Variants in CUX2 observed in about 807,000 individuals in gnomAD.
The protein encoded by CUX2 is homeobox protein cut-like 2.
In CUX2, 40 loss-of-function variants were observed where a neutral mutation model predicts 144.8. The ratio of observed to expected loss-of-function variants is 0.28; its 90% CI spans 0.21 to 0.36. The LOEUF (loss-of-function observed/expected upper bound fraction) is 0.36, where lower values mean the gene tolerates loss of function less well. CUX2 is among the 10% of genes least tolerant of loss of function. The probability of loss-of-function intolerance (pLI) is 1.00; values close to 1 mark genes in which losing one functional copy is unlikely to be tolerated. For synonymous variants in CUX2, 827 were observed against 875.6 expected, an observed-to-expected ratio of 0.94 and a Z score of 0.98; for missense variants, 1,615 against 1,994.0, an observed-to-expected ratio of 0.81 and a Z score of 3.62.
chr12:111,228,784 C>T (rs541474079), intron 3 of CUX2, among the ~76,000 whole-genome samples: 4 of 152,204 alleles, frequency 2.6e-5, no homozygotes, highest in East Asian at 1.9e-4. Flanking sequence ...TCAGCAGACC[C>T]GCACAGTTCA....
chr12:111,219,985 A>C (rs1881752683), intron 3 of CUX2, among the ~76,000 whole-genome samples: 1 of 152,110 alleles, frequency 6.6e-6, no homozygotes, highest in African/African-American at 2.4e-5. Context: ...CTCTATTAAA[A>C]ATACAAAAAT....
chr12:111,157,537 G>A (rs1430063398), intron 1 of CUX2, among the ~76,000 whole-genome samples: 2 of 152,138 alleles, frequency 1.3e-5, no homozygotes, highest in African/African-American at 4.8e-5. Context: ...GGAAGGAAGA[G>A]ATGCCAAAAG....
At position 111,222,810 on chromosome 12, in the gene CUX2, A is replaced by G. The variant is rs111642670; in HGVS notation, c.222+4873A>G. The stretch of plus-strand genomic sequence containing the variant: ...GACTGAGAACGTTCTCCCTCTAATC[A>G]CTCAGGGTCTGGGGGAATTCGTGTG... On this transcript the variant is annotated intron_variant, in intron 3 of 21. Coordinates refer to ENST00000261726, the MANE Select transcript of CUX2 (RefSeq NM_015267.4). Among the ~76,000 whole-genome samples, 1,064 of 151,980 alleles carry G rather than the reference A, an allele frequency of 7.0e-3. 23 individuals are homozygous for G. The highest frequency in any genetic ancestry group is 0.025 in the African/African-American group (1,021 of 41,428).
In CUX2 at chr12:111,293,029, G is replaced by A. The variant is rs1485301382; in HGVS notation, c.437-417G>A. Among the ~76,000 whole-genome samples the A allele has an allele frequency of 2.0e-5, 3 of 152,010 alleles. No individual in the cohort carries two copies. The highest frequency in any genetic ancestry group is 1.9e-4 in the East Asian group (1 of 5,152). ...TCCCAGGTACTCGGGAGGCTGAGGC[G>A]GGAGAATCGCTTGAACCCAGGAGGC... On this transcript the variant is annotated intron_variant, in intron 5 of 21. Coordinates refer to ENST00000261726, the MANE Select transcript of CUX2 (RefSeq NM_015267.4). This position sits in a 1 kb window ranked among gnomAD's most constrained non-coding sequence, Gnocchi z 4.5.
rs1397144680 is a variant in CUX2, at chr12:111,291,428, T to G, written c.312T>G (p.Pro104=). Residue 104 remains proline, a synonymous_variant, in exon 5 of 22, where the codon CCT becomes CCG. Transcript: ENST00000261726. The part of the protein sequence containing the change: ...KQLIEAPDPV[P]VFEAARSLDD... ...TCTCTCCCTGCACAGACCCCGTGCC[T>G]GTGTTTGAGGCGGCACGCAGCCTAG... 3.7e-6 allele frequency: 6 copies of G among 1,610,062 alleles called. No individual in the cohort carries two copies. The highest frequency in any genetic ancestry group is 5.1e-6 in the Non-Finnish European group (6 of 1,178,244).
At chr12:111,070,116 A>G (rs1208093060) in intron 1 of CUX2, among the ~76,000 whole-genome samples, 2 of 152,172 alleles carry the variant, frequency 1.3e-5, no homozygotes, top group Non-Finnish European at 2.9e-5. Context: ...TGGTCTTACA[A>G]GGAGTTTGTA....
rs1168250044 is a variant in CUX2 at position 111,077,222 on chromosome 12, G to A, written c.63+42982G>A. Reference sequence around the variant, plus strand: ...TGCTCCCAAACCCCGCAGCGCCCCCGAGGCCCAAGCTGGCCTCTGCCTGCC... The same window carrying A: ...TGCTCCCAAACCCCGCAGCGCCCCCAAGGCCCAAGCTGGCCTCTGCCTGCC... On this transcript the variant is annotated intron_variant, in intron 1 of 21. Transcript: ENST00000261726. The surrounding 1 kb of genome is among the most constrained non-coding windows in gnomAD (Gnocchi z 4.1). Among the ~76,000 whole-genome samples the A allele has an allele frequency of 1.3e-5, 2 of 152,168 alleles. No individual in the cohort carries two copies. The highest frequency in any genetic ancestry group is 2.4e-5 in the African/African-American group (1 of 41,442).
chr12:111,349,489 G>C lies in CUX2; in HGVS notation c.*1164G>C, dbSNP rs1038148196. On this transcript the variant is annotated 3_prime_UTR_variant, in exon 22 of 22. Transcript: ENST00000261726. ...CCCTTCTCGCCATCTTCTTTCTCAA[G>C]TTGACCGTGGTGCTGTTTCTGGAAG... 9 of 152,202 alleles carry C rather than the reference G, an allele frequency of 5.9e-5. No individual in the cohort carries two copies. Among genetic ancestry groups the C allele is most frequent in the Non-Finnish European group, 1.5e-5 (1 of 68,066 alleles). The allele number at this position is 152,202 out of a possible 1,614,324, so 9.4% of individuals were successfully genotyped here.
At chr12:111,211,233 G>A (rs945130042) in intron 1 of CUX2, among the ~76,000 whole-genome samples, 3 of 152,230 alleles carry the variant, frequency 2.0e-5, no homozygotes, top group African/African-American at 7.2e-5. Context: ...AGAAGAACGT[G>A]GATGTCAGTG....
chr12:111,094,727 G>A (rs1307737183), intron 1 of CUX2, among the ~76,000 whole-genome samples: 3 of 152,144 alleles, frequency 2.0e-5, no homozygotes, highest in African/African-American at 4.8e-5. Flanking sequence ...CCTACTTCTG[G>A]GTTCAAGTGA....
At chr12:111,115,325 G>A (rs192673334) in intron 1 of CUX2, among the ~76,000 whole-genome samples, 12 of 123,316 alleles carry the variant, frequency 9.7e-5, no homozygotes, top group Admixed American at 7.5e-4. Context: ...TTGCTCTGTC[G>A]CCCAGGCTAG....
chr12:111,104,539 GCTCTTCACC>G (rs1873469959), intron 1 of CUX2, among the ~76,000 whole-genome samples: 2 of 152,246 alleles, frequency 1.3e-5, no homozygotes, highest in Admixed American at 1.3e-4. Flanking sequence ...TCAAATTCCA[GCTCTTCACC>G]CTCTGGCTGT....
chr12:111,179,055 C>G (rs552787318), intron 1 of CUX2, among the ~76,000 whole-genome samples: 2 of 152,254 alleles, frequency 1.3e-5, no homozygotes, highest in East Asian at 1.9e-4. Flanking sequence ...ACCTTTCAGA[C>G]GTTCCCTGAG....
chr12:111,251,207 C>T (rs1347987152), intron 3 of CUX2, among the ~76,000 whole-genome samples: 1 of 152,098 alleles, frequency 6.6e-6, no homozygotes, highest in Non-Finnish European at 1.5e-5. Context: ...AACAGGCAGT[C>T]TGTTCAGGTA....
rs1592905935 is a variant in CUX2 at position 111,273,530 on chromosome 12, C to T, written c.301+9691C>T. 2.6e-5 allele frequency among the ~76,000 whole-genome samples: 4 copies of T among 152,224 alleles called. No individual in the cohort carries two copies. In the East Asian group the frequency reaches 7.7e-4, roughly 29 times the overall value. ...GACAAAACCACTGGAGATTTGAGCT[C>T]TAAAAAGAGTGAAAAACAGTTAAAG... On this transcript the variant is annotated intron_variant, in intron 4 of 21. Coordinates refer to ENST00000261726, the MANE Select transcript of CUX2 (RefSeq NM_015267.4).
At chr12:111,043,495 A>C (rs1869846127) in intron 1 of CUX2, among the ~76,000 whole-genome samples, 1 of 152,122 alleles carries the variant, frequency 6.6e-6, no homozygotes, top group Admixed American at 6.6e-5. Flanking sequence ...GCCAATGAGG[A>C]GTAGGGATGG....
chr12:111,069,549 T>TGTGTGC (rs1555266249), intron 1 of CUX2, among the ~76,000 whole-genome samples: 3,069 of 150,430 alleles, frequency 0.02, 117 homozygotes, highest in African/African-American at 0.071. Context: ...TGTGTGTGTG[T>TGTGTGC]GTGCGCGCGC....
chr12:111,211,456 G>A (rs1423667314), intron 1 of CUX2, among the ~76,000 whole-genome samples: 2 of 152,208 alleles, frequency 1.3e-5, no homozygotes, highest in Non-Finnish European at 2.9e-5. Flanking sequence ...ACATCAGGTG[G>A]TTGGACTTAT....
At position 111,306,901 on chromosome 12, in the gene CUX2, A is replaced by G; in HGVS notation, c.859-20A>G. On this transcript the variant is annotated intron_variant, in intron 10 of 21. Transcript: ENST00000261726. ...CCCATCCCTCACCTCTCAGCCCCTC[A>G]AAGACCCCTTTGCCTGCAGGATAAG... is the stretch of plus-strand genomic sequence containing the variant. The G allele has an allele frequency of 6.4e-7, 1 of 1,570,666 alleles. No individual in the cohort carries two copies. Among genetic ancestry groups the G allele is most frequent in the Non-Finnish European group, 8.7e-7 (1 of 1,154,350 alleles).
Sources: gnomAD v4.1 joint callset for allele counts (sites outside exome capture counted in the v4.1 genomes callset) on GRCh38, gnomAD v4.1.1 for gene constraint, Gnocchi (gnomAD v3.1) non-coding constraint, MANE v1.5 for transcripts, NCBI Gene and HGNC (gene_info 2026-07-23, HGNC 2026-07-21) for gene names.